The following KCNK2 variants were observed in gnomAD, a reference collection of about 807,000 sequenced individuals.
KCNK2 encodes potassium two pore domain channel subfamily K member 2, also known as potassium channel subfamily K member 2.
In KCNK2, 21 loss-of-function variants were observed where a neutral mutation model predicts 40.5. The ratio of observed to expected loss-of-function variants is 0.52; its 90% CI spans 0.37 to 0.75. The LOEUF is 0.75. Among genes scored for constraint, KCNK2 ranks in the 30% least tolerant of loss-of-function variants. The pLI is 0.00. For synonymous variants in KCNK2, 191 were observed against 202.2 expected (o/e 0.94, Z 0.47); for missense variants, 399 against 531.6 (o/e 0.75, Z 2.45).
At chr1:215,116,016 G>C (rs1287353246) in intron 2 of KCNK2, among the ~76,000 whole-genome samples, 2 of 148,152 alleles carry the variant, frequency 1.3e-5, no homozygotes, top group Non-Finnish European at 3.0e-5. Flanking sequence ...AAAGGAAAAA[G>C]AATTTCAGTG....
intron 3 of KCNK2, among the ~76,000 whole-genome samples, chr1:215,153,758 C>T (rs2102615750): frequency 6.6e-6 from 1 of 152,208 alleles, no homozygotes; most frequent in Admixed American, 6.5e-5. Flanking sequence ...ACTCCCCACC[C>T]TCCAACAGGC....
intron 5 of KCNK2, among the ~76,000 whole-genome samples, chr1:215,189,342 G>A (rs988880161): frequency 3.9e-5 from 6 of 152,160 alleles, no homozygotes; most frequent in Non-Finnish European, 5.9e-5. Flanking sequence ...GAAGTAAATT[G>A]TACTACATTC....
chr1:215,145,656 T>A (rs1442828276), intron 3 of KCNK2, among the ~76,000 whole-genome samples: 3 of 152,338 alleles, frequency 2.0e-5, no homozygotes, highest in Middle Eastern at 6.8e-3. Flanking sequence ...GACTTTTATT[T>A]ATTGATTTTA....
rs371266409 is a variant in KCNK2, at chr1:215,029,854, A to G, written c.34+23899A>G. ...TCTTTGTTGCTTGCAAGTTTTGACA[A>G]TAACGAATAAAGCCTCTATAAACCT... On this transcript the variant is annotated intron_variant, in intron 1 of 6. Transcript: ENST00000391895. Among the ~76,000 whole-genome samples, 88 of 152,200 alleles carry G rather than the reference A, an allele frequency of 5.8e-4. 1 individual carries two copies. Among genetic ancestry groups the G allele is most frequent in the African/African-American group, 2.0e-3 (83 of 41,562 alleles).
intron 1 of KCNK2, 64 bp downstream of exon 1, chr1:215,083,495 T>G: frequency 8.3e-7 from 1 of 1,208,962 alleles, no homozygotes; most frequent in Non-Finnish European, 1.2e-6. Flanking sequence ...CAGCCTTTTC[T>G]GGGAGGACTG....
chr1:215,032,437 A>AC (rs764453522), intron 1 of KCNK2, among the ~76,000 whole-genome samples: 21 of 151,980 alleles, frequency 1.4e-4, no homozygotes, highest in Admixed American at 4.6e-4. Context: ...AAAACAGTAA[A>AC]CTTTTTTTTT....
At chr1:215,065,830 C>A (rs1317331730) in intron 1 of KCNK2, among the ~76,000 whole-genome samples, 1 of 152,136 alleles carries the variant, frequency 6.6e-6, no homozygotes, top group Non-Finnish European at 1.5e-5. Context: ...AAGGATGTCT[C>A]TTCTAAAATT....
chr1:215,016,504 A>G (rs12131195), intron 1 of KCNK2, among the ~76,000 whole-genome samples: 29,806 of 152,092 alleles, frequency 0.2, 3,746 homozygotes, highest in African/African-American at 0.36. Context: ...ACAATAAGGA[A>G]AGGGCCAGTT....
intron 1 of KCNK2, among the ~76,000 whole-genome samples, chr1:215,085,969 C>T (rs1025696109): frequency 8.5e-5 from 13 of 152,136 alleles, no homozygotes; most frequent in Non-Finnish European, 1.6e-4. Flanking sequence ...AACCATGAGC[C>T]GTCTTCCTGA....
At chr1:215,141,538 C>T (rs566093173) in intron 3 of KCNK2, among the ~76,000 whole-genome samples, 3 of 152,026 alleles carry the variant, frequency 2.0e-5, no homozygotes, top group East Asian at 1.9e-4. Flanking sequence ...ATTTATCTCA[C>T]GATTAGTTTA....
intron 2 of KCNK2, among the ~76,000 whole-genome samples, chr1:215,092,337 G>A (rs1296224906): frequency 6.6e-6 from 1 of 152,104 alleles, no homozygotes; most frequent in African/African-American, 2.4e-5. Flanking sequence ...AGAAGAACTG[G>A]TTTTGGGCAT....
intron 1 of KCNK2, among the ~76,000 whole-genome samples, chr1:215,009,458 C>A (rs943725313): frequency 3.9e-5 from 6 of 152,032 alleles, no homozygotes; most frequent in Non-Finnish European, 7.4e-5. Flanking sequence ...ATATATATAT[C>A]ATTTCATTTT....
chr1:215,075,271 T>A lies in KCNK2; in HGVS notation c.35-11097T>A, dbSNP rs116428001. On this transcript the variant is annotated intron_variant, in intron 1 of 6. Transcript: ENST00000391895. ...AATATGCAAAGCTGTTAAAAAGATA[T>A]TGTTGAATGTCATATATTTTAGGAA... Among the ~76,000 whole-genome samples the A allele has an allele frequency of 3.2e-3, 486 of 152,330 alleles. 3 individuals are homozygous for A. The highest frequency in any genetic ancestry group is 0.011 in the African/African-American group (458 of 41,596).
intron 5 of KCNK2, among the ~76,000 whole-genome samples, chr1:215,182,035 G>A (rs1027178702): frequency 3.3e-5 from 5 of 152,196 alleles, no homozygotes; most frequent in African/African-American, 1.2e-4. Flanking sequence ...AGGGATGGGG[G>A]AGATCTAAAC....
intron 3 of KCNK2, among the ~76,000 whole-genome samples, chr1:215,154,089 T>C (rs1662805022): frequency 6.6e-6 from 1 of 152,224 alleles, no homozygotes; most frequent in Admixed American, 6.5e-5. Flanking sequence ...GAATGATTTA[T>C]ATTCCTTTGG....
upstream of KCNK2, among the ~76,000 whole-genome samples, chr1:215,080,877 T>C (rs1282407224): frequency 2.0e-5 from 3 of 152,182 alleles, no homozygotes; most frequent in Admixed American, 6.5e-5. Flanking sequence ...ATCTAAAATC[T>C]AAGTGTTGCT....
intron 1 of KCNK2, among the ~76,000 whole-genome samples, chr1:215,063,117 A>T (rs996726626): frequency 1.3e-5 from 2 of 152,132 alleles, no homozygotes; most frequent in African/African-American, 4.8e-5. Context: ...AGAATGAAGA[A>T]TGGGAGAGTG....
chr1:215,055,980 C>T (rs567679009), intron 1 of KCNK2, among the ~76,000 whole-genome samples: 2 of 152,222 alleles, frequency 1.3e-5, no homozygotes, highest in African/African-American at 4.8e-5. Flanking sequence ...CCTAAGGTCA[C>T]CTCAAAGATA....
chr1:215,230,559 CATATATATATATATATACAAGACCGTA>C (rs1666613895), intron 6 of KCNK2, among the ~76,000 whole-genome samples: 1 of 109,518 alleles, frequency 9.1e-6, no homozygotes, highest in Non-Finnish European at 1.7e-5. Context: ...ACATAACAGC[CATATATATATATATATACAAGACCGTA>C]ATATATATAT....
Sources: gnomAD v4.1 joint callset for allele counts (sites outside exome capture counted in the v4.1 genomes callset) on GRCh38, gnomAD v4.1.1 for gene constraint, MANE v1.5 for transcripts, NCBI Gene and HGNC (gene_info 2026-07-23, HGNC 2026-07-21) for gene names.